OPCML: variants seen among roughly 807,000 people sequenced by gnomAD.
The protein encoded by OPCML is opioid-binding protein/cell adhesion molecule.
OPCML carries 13 observed loss-of-function variants against 37.8 expected under a neutral mutation model. That is an observed-to-expected ratio of 0.34 (90% CI 0.22 to 0.55). The LOEUF (loss-of-function observed/expected upper bound fraction) is 0.55. Among genes scored for constraint, OPCML ranks in the 20% least tolerant of loss-of-function variants. OPCML has a pLI of 0.91. For missense variants in OPCML, 341 were observed against 435.6 expected (o/e 0.78, Z 1.93); for synonymous variants, 176 against 168.8 (o/e 1.04, Z -0.33).
chr11:133,515,312 C>A (rs1948242047), intron 1 of OPCML, among the ~76,000 whole-genome samples: 1 of 152,216 alleles, frequency 6.6e-6, no homozygotes, highest in Non-Finnish European at 1.5e-5. Context: ...TGGTTCTCAA[C>A]CAGAAATGAT....
intron 1 of OPCML, among the ~76,000 whole-genome samples, chr11:133,046,536 C>G (rs959259754): frequency 1.3e-5 from 2 of 152,148 alleles, no homozygotes; most frequent in Non-Finnish European, 2.9e-5. Flanking sequence ...TAACATCAGA[C>G]AGCATCATAG....
intron 1 of OPCML, among the ~76,000 whole-genome samples, chr11:133,125,708 TG>T (rs1949495426): frequency 4.4e-5 from 1 of 22,730 alleles, no homozygotes; most frequent in Non-Finnish European, 9.1e-5. Context: ...ATATATATAG[TG>T]TATATATATG....
At chr11:133,329,550 C>A (rs1157750586) in intron 1 of OPCML, among the ~76,000 whole-genome samples, 1 of 152,218 alleles carries the variant, frequency 6.6e-6, no homozygotes, top group Admixed American at 6.5e-5. Flanking sequence ...ACCATCTGAT[C>A]TTTGACAAAC....
At chr11:132,870,280 G>A (rs188516043) in intron 2 of OPCML, among the ~76,000 whole-genome samples, 3 of 152,084 alleles carry the variant, frequency 2.0e-5, no homozygotes, top group South Asian at 2.1e-4. Context: ...CACTTTTCTC[G>A]AGGGCAATAA....
intron 1 of OPCML, among the ~76,000 whole-genome samples, chr11:132,953,481 C>A (rs955307121): frequency 2.0e-5 from 3 of 152,162 alleles, no homozygotes; most frequent in Admixed American, 2.0e-4. Context: ...GACCGATTTC[C>A]GCAAGCCATA....
chr11:132,419,841 C>G lies in OPCML; in HGVS notation c.*352G>C, dbSNP rs2095951207. 9.2e-6 allele frequency: 2 copies of G among 217,992 alleles called. No homozygotes were observed. Among genetic ancestry groups the G allele is most frequent in the Non-Finnish European group, 1.8e-5 (2 of 110,674 alleles). The allele number at this position is 217,992 out of a possible 1,614,324, so 13.5% of individuals were successfully genotyped here. ...TTTATTGTGAGGCTCAATTTTTGCC[C>G]AAATGAAACTTACGTTTTGTTGTGT... On this transcript the variant is annotated 3_prime_UTR_variant, in exon 8 of 8. Coordinates refer to ENST00000524381, the MANE Select transcript of OPCML (RefSeq NM_001012393.5).
chr11:133,390,417 C>G (rs542066203), intron 1 of OPCML, among the ~76,000 whole-genome samples: 1 of 152,118 alleles, frequency 6.6e-6, no homozygotes, highest in African/African-American at 2.4e-5. Flanking sequence ...GAGCCGAGAT[C>G]GCGCCACTGC....
Position 132,436,109 on chromosome 11 carries a change from G to T in OPCML, c.893C>A (p.Thr298Asn). Residue 298 changes from threonine (T) to asparagine (N), a missense_variant, in exon 7 of 8, where the codon ACC (threonine) becomes AAC (asparagine). Thr to Asn is a moderately conservative substitution (Grantham distance 65). Coordinates refer to ENST00000524381, the MANE Select transcript of OPCML (RefSeq NM_001012393.5). Reference sequence around the variant, plus strand: ...ACCATACAATGTGATGCTGGCATTGGTGTTCCCAAGCTTGTTCGTGGCCAC... The same window carrying T: ...ACCATACAATGTGATGCTGGCATTGTTGTTCCCAAGCTTGTTCGTGGCCAC... The part of the protein sequence containing the change: ...TCVATNKLGN[T>N]NASITLYGPG... 6.2e-7 allele frequency: 1 copy of T among 1,614,054 alleles called. No homozygotes were observed. The highest frequency in any genetic ancestry group is 8.5e-7 in the Non-Finnish European group (1 of 1,179,954).
chr11:132,644,268 A>G (rs1439237179), intron 3 of OPCML, among the ~76,000 whole-genome samples: 1 of 152,144 alleles, frequency 6.6e-6, no homozygotes, highest in African/African-American at 2.4e-5. Context: ...GATTTAGGTG[A>G]CATTCTAGGA....
chr11:132,442,238 C>T (rs1287664492), intron 4 of OPCML, among the ~76,000 whole-genome samples: 1 of 152,108 alleles, frequency 6.6e-6, no homozygotes, highest in Non-Finnish European at 1.5e-5. Context: ...TTTCTAGATG[C>T]CTCAAGTAAG....
At chr11:133,103,519 G>T (rs1276611699) in intron 1 of OPCML, among the ~76,000 whole-genome samples, 1 of 152,152 alleles carries the variant, frequency 6.6e-6, no homozygotes, top group Non-Finnish European at 1.5e-5. Context: ...GTGTGGATTA[G>T]AATAAAACAA....
chr11:132,714,471 A>G (rs537220460), intron 2 of OPCML, among the ~76,000 whole-genome samples: 9 of 152,330 alleles, frequency 5.9e-5, no homozygotes, highest in African/African-American at 2.2e-4. Context: ...CTTCTACAGT[A>G]ATTCAAGGAC....
At chr11:132,617,852 C>A (rs1403661153) in intron 3 of OPCML, among the ~76,000 whole-genome samples, 1 of 152,216 alleles carries the variant, frequency 6.6e-6, no homozygotes, top group Non-Finnish European at 1.5e-5. Flanking sequence ...ACCTTATGAA[C>A]CCATTTAACT....
At chr11:133,454,844 C>G (rs542514269) in intron 1 of OPCML, among the ~76,000 whole-genome samples, 1 of 152,088 alleles carries the variant, frequency 6.6e-6, no homozygotes, top group African/African-American at 2.4e-5. Flanking sequence ...ATCAACATTT[C>G]CTTTCTTGAT....
intron 2 of OPCML, among the ~76,000 whole-genome samples, chr11:132,822,523 T>TGTGC (rs1555194302): frequency 1.3e-5 from 2 of 151,940 alleles, no homozygotes; most frequent in African/African-American, 4.8e-5. Context: ...TGTGTGTGTG[T>TGTGC]GCGCGCACAC....
At chr11:133,306,202 C>T (rs903638651) in intron 1 of OPCML, among the ~76,000 whole-genome samples, 7 of 152,074 alleles carry the variant, frequency 4.6e-5, no homozygotes, top group African/African-American at 1.7e-4. Context: ...AGCCCAGCTC[C>T]GTGTTTCTGT....
chr11:133,263,150 C>T (rs564727921), intron 1 of OPCML, among the ~76,000 whole-genome samples: 45 of 152,170 alleles, frequency 3.0e-4, no homozygotes, highest in African/African-American at 7.9e-4. Flanking sequence ...TCTTTGAACC[C>T]TCATTTTTTT....
intron 2 of OPCML, among the ~76,000 whole-genome samples, chr11:132,758,175 G>A (rs1408677562): frequency 6.6e-6 from 1 of 152,070 alleles, no homozygotes; most frequent in African/African-American, 2.4e-5. Flanking sequence ...ATCTGTTTTG[G>A]TGCCAGTACC....
chr11:133,148,944 G>T (rs557447479), intron 1 of OPCML, among the ~76,000 whole-genome samples: 4 of 152,146 alleles, frequency 2.6e-5, no homozygotes, highest in Non-Finnish European at 5.9e-5. Context: ...AACCAAGCAG[G>T]CTGATGCATT....
Sources: gnomAD v4.1 joint callset for allele counts (sites outside exome capture counted in the v4.1 genomes callset) on GRCh38, gnomAD v4.1.1 for gene constraint, MANE v1.5 for transcripts, NCBI Gene and HGNC (gene_info 2026-07-23, HGNC 2026-07-21) for gene names.